The following CCDC60 variants were observed in gnomAD, a reference collection of about 807,000 sequenced individuals.
CCDC60 encodes coiled-coil domain containing 60, also known as coiled-coil domain-containing protein 60.
In CCDC60, 54 loss-of-function variants were observed where a neutral mutation model predicts 63.5. The observed-to-expected ratio is 0.85, with a 90% CI of 0.68 to 1.07. The LOEUF is 1.07. Among genes scored for constraint, CCDC60 ranks in the 50% least tolerant of loss-of-function variants. The pLI is 0.00. For synonymous variants in CCDC60, 206 were observed against 238.8 expected (o/e 0.86, Z 1.27); for missense variants, 651 against 684.3 (o/e 0.95, Z 0.54).
intron 1 of CCDC60, among the ~76,000 whole-genome samples, chr12:119,387,690 T>G (rs1319457560): frequency 1.3e-5 from 2 of 152,234 alleles, no homozygotes; most frequent in African/African-American, 4.8e-5. Flanking sequence ...ATTTCACAAC[T>G]TCTTAAAACT....
intron 1 of CCDC60, 48 bp downstream of exon 1, chr12:119,335,314 A>C: frequency 7.1e-7 from 1 of 1,399,610 alleles, no homozygotes; most frequent in South Asian, 1.2e-5. Flanking sequence ...AGAACAAGTG[A>C]AATAGGAATT....
At chr12:119,343,393 T>A (rs1722737210) in intron 1 of CCDC60, among the ~76,000 whole-genome samples, 1 of 152,036 alleles carries the variant, frequency 6.6e-6, no homozygotes, top group African/African-American at 2.4e-5. Context: ...GATTCTGGGA[T>A]AGGTTCAGCA....
chr12:119,507,958 A>C (rs1253640745), intron 7 of CCDC60, among the ~76,000 whole-genome samples: 1 of 152,070 alleles, frequency 6.6e-6, no homozygotes, highest in Non-Finnish European at 1.5e-5. Flanking sequence ...GCTTGAGTCC[A>C]GGAATTTGAG....
rs1184630442 is a variant in CCDC60 at position 119,507,614 on chromosome 12, ATTT to A, written c.883+2325_883+2327del. Among the ~76,000 whole-genome samples the A allele has an allele frequency of 3.6e-4, 18 of 50,490 alleles. 1 individual carries two copies. Among genetic ancestry groups the A allele is most frequent in the African/African-American group, 1.3e-3 (16 of 12,612 alleles). 33.1% of individuals were successfully genotyped at this position (50,490 alleles called of 152,430 possible). ...TACATATATATATATATATATATAT[ATTT>A]TTTTTTTTTTTTTCTAGAAACAGGG... is the stretch of plus-strand genomic sequence containing the variant. On this transcript the variant is annotated intron_variant, in intron 7 of 13. Coordinates refer to ENST00000327554, the MANE Select transcript of CCDC60 (RefSeq NM_178499.5).
intron 1 of CCDC60, among the ~76,000 whole-genome samples, chr12:119,398,909 G>A (rs1956336108): frequency 6.6e-6 from 1 of 152,172 alleles, no homozygotes; most frequent in Admixed American, 6.5e-5. Context: ...GAGGTACCTA[G>A]AATTTATTAG....
chr12:119,465,617 G>T (rs1201490633), intron 2 of CCDC60, among the ~76,000 whole-genome samples: 1 of 152,064 alleles, frequency 6.6e-6, no homozygotes. Context: ...AACTAGCCAG[G>T]CGTGATGGTG....
intron 8 of CCDC60, among the ~76,000 whole-genome samples, chr12:119,519,673 G>A (rs1054922550): frequency 3.3e-5 from 5 of 151,964 alleles, no homozygotes; most frequent in Admixed American, 6.6e-5. Context: ...ATGTTGGCCA[G>A]GCTGGTCTGG....
At chr12:119,536,796 G>A (rs995113091) in intron 13 of CCDC60, among the ~76,000 whole-genome samples, 1 of 152,188 alleles carries the variant, frequency 6.6e-6, no homozygotes, top group Non-Finnish European at 1.5e-5. Context: ...CTGTTAGTCT[G>A]ATGGGCTTCC....
At chr12:119,534,966 T>G (rs1256742274) in intron 13 of CCDC60, among the ~76,000 whole-genome samples, 3 of 152,198 alleles carry the variant, frequency 2.0e-5, no homozygotes, top group African/African-American at 7.2e-5. Context: ...CTTTTTCTAT[T>G]GACTGGAATA....
chr12:119,357,478 G>A (rs1215809610), intron 1 of CCDC60, among the ~76,000 whole-genome samples: 3 of 149,892 alleles, frequency 2.0e-5, no homozygotes, highest in Non-Finnish European at 4.4e-5. Flanking sequence ...TTTTGAGATG[G>A]AGTTTCACTC....
chr12:119,461,005 G>A (rs1195744170), intron 2 of CCDC60, among the ~76,000 whole-genome samples: 1 of 152,096 alleles, frequency 6.6e-6, no homozygotes, highest in Non-Finnish European at 1.5e-5. Context: ...ACATACCTAT[G>A]CTTGGAGCAT....
At chr12:119,524,188 G>A (rs112962503) in intron 11 of CCDC60, among the ~76,000 whole-genome samples, 15 of 152,230 alleles carry the variant, frequency 9.9e-5, no homozygotes, top group African/African-American at 3.4e-4. Flanking sequence ...GACATTCCAG[G>A]TAGAAGGAAA....
At chr12:119,512,962 C>T (rs1027369091) in intron 7 of CCDC60, among the ~76,000 whole-genome samples, 1 of 152,144 alleles carries the variant, frequency 6.6e-6, no homozygotes, top group Non-Finnish European at 1.5e-5. Context: ...TGTGTATTTT[C>T]TCCTCTTCTC....
At chr12:119,491,597 G>A (rs1951585746) in intron 5 of CCDC60, among the ~76,000 whole-genome samples, 1 of 152,126 alleles carries the variant, frequency 6.6e-6, no homozygotes, top group Admixed American at 6.5e-5. Flanking sequence ...CAAAGTGCTG[G>A]GATTACAGGC....
intron 1 of CCDC60, among the ~76,000 whole-genome samples, chr12:119,399,471 C>T (rs1843266145): frequency 6.6e-6 from 1 of 152,048 alleles, no homozygotes; most frequent in African/African-American, 2.4e-5. Flanking sequence ...TTCTTTTTTT[C>T]CTTTGAGCCT....
intron 1 of CCDC60, among the ~76,000 whole-genome samples, chr12:119,337,683 A>G (rs1955485617): frequency 6.6e-6 from 1 of 152,292 alleles, no homozygotes; most frequent in South Asian, 2.1e-4. Context: ...TATAGTGTGT[A>G]TGCTTGGGAT....
intron 8 of CCDC60, among the ~76,000 whole-genome samples, chr12:119,519,020 C>A (rs1952425478): frequency 6.6e-6 from 1 of 152,212 alleles, no homozygotes; most frequent in South Asian, 2.1e-4. Context: ...TCTCCCTAAT[C>A]TTTTGCTAAG....
rs530990027 is a variant in CCDC60 at position 119,352,586 on chromosome 12, C to A, written c.90+17320C>A. Among the ~76,000 whole-genome samples the A allele has an allele frequency of 2.6e-5, 4 of 152,318 alleles. No homozygotes were observed. The South Asian group carries it at 8.3e-4, about 32-fold the overall frequency. On this transcript the variant is annotated intron_variant, in intron 1 of 13. Transcript: ENST00000327554. Reference sequence around the variant, plus strand: ...CTCAATATTTCCCTCTGCAACATGACCAGAGCTGCTAATAATTGCTGGGAT... The same window carrying A: ...CTCAATATTTCCCTCTGCAACATGAACAGAGCTGCTAATAATTGCTGGGAT...
At chr12:119,363,056 C>T (rs1458484413) in intron 1 of CCDC60, among the ~76,000 whole-genome samples, 2 of 152,204 alleles carry the variant, frequency 1.3e-5, no homozygotes, top group African/African-American at 2.4e-5. Context: ...TGAGACTGCA[C>T]CGCTGCACCC....
Sources: allele counts gnomAD v4.1 joint callset (sites outside exome capture counted in the v4.1 genomes callset), GRCh38; gene constraint gnomAD v4.1.1; transcripts MANE v1.5; gene names NCBI Gene and HGNC (gene_info 2026-07-23, HGNC 2026-07-21).